Variants in LINGO2 observed in about 807,000 individuals in gnomAD.
LINGO2 encodes leucine-rich repeat and immunoglobulin-like domain-containing nogo receptor-interacting protein 2.
A neutral mutation model predicts 30.6 loss-of-function variants in LINGO2; 14 were observed. The observed-to-expected ratio is 0.46, with a 90% CI of 0.30 to 0.72. LINGO2 has a LOEUF of 0.72. LINGO2 is among the 30% of genes least tolerant of loss of function. LINGO2 has a pLI of 0.07. For missense variants in LINGO2, 729 were observed against 751.7 expected (o/e 0.97, Z 0.35); for synonymous variants, 317 against 288.5 (o/e 1.10, Z -1.00).
At position 27,949,875 on chromosome 9, in the gene LINGO2, A is replaced by T. The variant is rs1159523408; in HGVS notation, c.797T>A (p.Phe266Tyr). The T allele has an allele frequency of 3.1e-6, 5 of 1,613,902 alleles. No homozygotes were observed. The African/African-American group carries it at 5.3e-5, about 17-fold the overall frequency. ...GTATACCAGGTGTTTAAAGGCAAGG[A>T]AGGGTACAGTAGACAGATTGGTGTT... is the stretch of plus-strand genomic sequence containing the variant. Residue 266 changes from phenylalanine (F) to tyrosine (Y), a missense_variant, in exon 6 of 6, where the codon TTC (phenylalanine) becomes TAC (tyrosine). By Grantham distance (22) the Phe-to-Tyr change is conservative. Coordinates refer to ENST00000379992, the Ensembl canonical transcript of LINGO2.
At chr9:29,012,131 G>A in the LINGO2 span, among the ~76,000 whole-genome samples, 1 of 152,116 alleles carries the variant, frequency 6.6e-6, no homozygotes, top group African/African-American at 2.4e-5. Context: ...GCTGAGGCAG[G>A]CAGATCACCT....
intron 5 of LINGO2, among the ~76,000 whole-genome samples, chr9:27,970,538 T>G (rs982729946): frequency 6.6e-6 from 1 of 152,194 alleles, no homozygotes; most frequent in Non-Finnish European, 1.5e-5. Context: ...TAGAAGACTG[T>G]TACAGTAAGG....
Position 28,398,792 on chromosome 9 carries a change from G to A in LINGO2, c.-278-25924C>T, listed in dbSNP as rs1274461089. Among the ~76,000 whole-genome samples, 3 of 152,028 alleles carry A rather than the reference G, an allele frequency of 2.0e-5. No individual in the cohort carries two copies. In the East Asian group the frequency reaches 5.8e-4, roughly 29 times the overall value. Reference sequence around the variant, plus strand: ...CTGCATATTTCTTTATATTTTTATTGATTCAGGAAATGTAATTTTTGAAGG... The same window carrying A: ...CTGCATATTTCTTTATATTTTTATTAATTCAGGAAATGTAATTTTTGAAGG... On this transcript the variant is annotated intron_variant, in intron 2 of 5. Transcript: ENST00000379992.
At chr9:28,184,688 G>C (rs190917867) in intron 4 of LINGO2, among the ~76,000 whole-genome samples, 300 of 152,124 alleles carry the variant, frequency 2.0e-3, no homozygotes, top group Middle Eastern at 0.017. Context: ...AGAGAGACAG[G>C]CTGGAGACAT....
chr9:29,065,850 T>C, the LINGO2 span, among the ~76,000 whole-genome samples: 144 of 152,180 alleles, frequency 9.5e-4, no homozygotes, highest in Admixed American at 1.6e-3. Context: ...AGAAATGTTC[T>C]GTAAAAATCA....
the LINGO2 span, among the ~76,000 whole-genome samples, chr9:28,713,364 G>C: frequency 6.6e-6 from 1 of 152,112 alleles, no homozygotes; most frequent in South Asian, 2.1e-4. Context: ...ACTCTAACTA[G>C]TCATGAAGCT....
At chr9:28,504,059 A>C (rs1820001322) in intron 1 of LINGO2, among the ~76,000 whole-genome samples, 1 of 151,920 alleles carries the variant, frequency 6.6e-6, no homozygotes, top group South Asian at 2.1e-4. Flanking sequence ...ATCAAAGGTC[A>C]GATCTATAGT....
At position 28,565,776 on chromosome 9, in the gene LINGO2, G is replaced by A. The variant is rs1177152934; in HGVS notation, c.-364-89751C>T. Among the ~76,000 whole-genome samples the A allele has an allele frequency of 2.0e-5, 3 of 151,094 alleles. No homozygotes were observed. The East Asian group carries it at 5.9e-4, about 30-fold the overall frequency. On this transcript the variant is annotated intron_variant, in intron 1 of 5. Coordinates refer to ENST00000379992, the Ensembl canonical transcript of LINGO2. ...TCACCATGTTAGCCAGGATGGTCTC[G>A]ATCTCCTGACCTCGTGATCCACCCG...
chr9:28,640,660 A>G (rs972912130), intron 1 of LINGO2, among the ~76,000 whole-genome samples: 1 of 151,862 alleles, frequency 6.6e-6, no homozygotes, highest in Admixed American at 6.6e-5. Context: ...TTCTCGTGCC[A>G]TGGTTTTCAG....
the LINGO2 span, among the ~76,000 whole-genome samples, chr9:29,041,483 T>C: frequency 1.5e-4 from 23 of 152,110 alleles, no homozygotes; most frequent in African/African-American, 4.8e-4. Context: ...TTGGTGGAAA[T>C]ATAGACTTAT....
At position 28,046,878 on chromosome 9, in the gene LINGO2, G is replaced by A. The variant is rs139923842; in HGVS notation, c.-86-34473C>T. On this transcript the variant is annotated intron_variant, in intron 4 of 5. Transcript: ENST00000379992. ...AAACTGACGTGTATCTATTAACACA[G>A]GATTTTGCTGGATTTCACTACTTTA... Among the ~76,000 whole-genome samples the A allele has an allele frequency of 2.5e-3, 374 of 152,220 alleles. 3 individuals are homozygous for A. Among genetic ancestry groups the A allele is most frequent in the African/African-American group, 8.6e-3 (359 of 41,544 alleles).
At chr9:29,007,491 C>T in the LINGO2 span, among the ~76,000 whole-genome samples, 4 of 152,038 alleles carry the variant, frequency 2.6e-5, no homozygotes, top group African/African-American at 9.7e-5. Flanking sequence ...TGCACCTACC[C>T]ATATTTCTCA....
chr9:29,105,530 C>G, the LINGO2 span, among the ~76,000 whole-genome samples: 1 of 152,060 alleles, frequency 6.6e-6, no homozygotes, highest in Non-Finnish European at 1.5e-5. Context: ...AAAGATAGAC[C>G]GTGTCCTTTG....
chr9:29,000,805 T>A, the LINGO2 span, among the ~76,000 whole-genome samples: 2 of 152,022 alleles, frequency 1.3e-5, no homozygotes, highest in Non-Finnish European at 2.9e-5. Context: ...ATGTGCCTGC[T>A]GTGCAAAGAC....
intron 1 of LINGO2, among the ~76,000 whole-genome samples, chr9:28,499,363 C>T (rs1400894821): frequency 1.3e-5 from 2 of 152,064 alleles, no homozygotes; most frequent in African/African-American, 2.4e-5. Flanking sequence ...AAGAATAGAC[C>T]TGATAAAGTC....
At chr9:28,207,813 T>C (rs1325934462) in intron 4 of LINGO2, among the ~76,000 whole-genome samples, 1 of 152,140 alleles carries the variant, frequency 6.6e-6, no homozygotes, top group African/African-American at 2.4e-5. Context: ...TATGTTTAAT[T>C]CCAAAAATAG....
chr9:28,124,456 A>C (rs1216344371), intron 4 of LINGO2, among the ~76,000 whole-genome samples: 1 of 152,204 alleles, frequency 6.6e-6, no homozygotes, highest in Non-Finnish European at 1.5e-5. Context: ...AATCACAGAC[A>C]TATCACATTT....
At chr9:28,159,471 AATACTTATATATAT>A in intron 4 of LINGO2, among the ~76,000 whole-genome samples, 1 of 152,212 alleles carries the variant, frequency 6.6e-6, no homozygotes, top group Non-Finnish European at 1.5e-5. Context: ...ATTGACAAAT[AATACTTATATATAT>A]TTGTGGAGTA....
At chr9:28,441,217 A>C (rs1202716472) in intron 2 of LINGO2, among the ~76,000 whole-genome samples, 1 of 129,510 alleles carries the variant, frequency 7.7e-6, no homozygotes, top group Non-Finnish European at 1.6e-5. Flanking sequence ...AAATGACCTT[A>C]GTCACAAGTA....
Sources: gnomAD v4.1 joint callset for allele counts (sites outside exome capture counted in the v4.1 genomes callset) on GRCh38, gnomAD v4.1.1 for gene constraint, MANE v1.5 for transcripts, NCBI Gene and HGNC (gene_info 2026-07-23, HGNC 2026-07-21) for gene names.